The following SPATA6 variants were observed in gnomAD, a reference collection of about 807,000 sequenced individuals.
SPATA6 encodes spermatogenesis-associated protein 6.
In SPATA6, 56 loss-of-function variants were observed where a neutral mutation model predicts 65.3. The ratio of observed to expected loss-of-function variants is 0.86; its 90% confidence interval spans 0.69 to 1.07. The LOEUF (loss-of-function observed/expected upper bound fraction) is 1.07. Among genes scored for constraint, SPATA6 ranks in the 50% least tolerant of loss-of-function variants. The pLI, the probability that SPATA6 is intolerant of heterozygous loss-of-function variation, is 0.00. For synonymous variants in SPATA6, 199 were observed against 213.2 expected, an observed-to-expected ratio of 0.93 and a Z score of 0.58; for missense variants, 590 against 594.8, an observed-to-expected ratio of 0.99 and a Z score of 0.08.
intron 4 of SPATA6, among the ~76,000 whole-genome samples, chr1:48,412,245 A>G (rs1277722240): frequency 6.6e-6 from 1 of 152,212 alleles, no homozygotes; most frequent in Non-Finnish European, 1.5e-5. Context: ...AAATGAAACT[A>G]GCCTCTATAT....
At position 48,399,589 on chromosome 1, in the gene SPATA6, T is replaced by C; in HGVS notation, c.542A>G (p.Asn181Ser). The C allele has an allele frequency of 6.2e-7, 1 of 1,611,524 alleles. No homozygotes were observed. Among genetic ancestry groups the C allele is most frequent in the Non-Finnish European group, 8.5e-7 (1 of 1,178,552 alleles). ...PVEKSHGRLQ[N>S]RTSRSQKKKS... The stretch of plus-strand genomic sequence containing the variant: ...TTTCTTTTGTGATCTTGATGTTCTG[T>C]TTTGCAGTCTGCCATGTGATTTTTC... Residue 181 changes from asparagine (N) to serine (S), a missense_variant, in exon 7 of 13, where the codon AAC (asparagine) becomes AGC (serine). By Grantham distance (46) the Asn-to-Ser change is conservative. Transcript: ENST00000371847.
At chr1:48,371,270 T>TAG (rs1647252411) in intron 9 of SPATA6, among the ~76,000 whole-genome samples, 3,185 of 131,712 alleles carry the variant, frequency 0.024, 32 homozygotes, top group East Asian at 0.037. Context: ...TATGTATCTA[T>TAG]ATAGATAGAT....
chr1:48,409,364 G>A lies in SPATA6; in HGVS notation c.405+2100C>T, dbSNP rs555627368. Among the ~76,000 whole-genome samples the A allele has an allele frequency of 1.7e-3, 261 of 152,360 alleles. 1 individual carries two copies. The highest frequency in any genetic ancestry group is 2.8e-3 in the Non-Finnish European group (190 of 68,024). On this transcript the variant is annotated intron_variant, in intron 5 of 12. Coordinates refer to ENST00000371847, the MANE Select transcript of SPATA6 (RefSeq NM_019073.4). ...CATGGTCTTGGGCAGCTCCGCCCCT[G>A]TGGCTTTGCAGGGTATAGCCTCCCT...
chr1:48,332,854 C>A (rs987190077), intron 11 of SPATA6, among the ~76,000 whole-genome samples: 1 of 152,138 alleles, frequency 6.6e-6, no homozygotes, highest in African/African-American at 2.4e-5. Context: ...AATTCAAAAA[C>A]AGCAAAACCA....
At chr1:48,288,270 T>C in the SPATA6 span, among the ~76,000 whole-genome samples, 1 of 152,322 alleles carries the variant, frequency 6.6e-6, no homozygotes, top group East Asian at 1.9e-4. Context: ...TCTTGAAGTG[T>C]CTTTGGAACT....
chr1:48,307,024 T>A (rs1377156892), intron 11 of SPATA6, among the ~76,000 whole-genome samples: 1 of 151,884 alleles, frequency 6.6e-6, no homozygotes, highest in East Asian at 1.9e-4. Flanking sequence ...TACTATTAGA[T>A]CTTTTTCTTG....
chr1:48,330,881 G>A (rs138204961), intron 11 of SPATA6, among the ~76,000 whole-genome samples: 7 of 152,216 alleles, frequency 4.6e-5, no homozygotes, highest in African/African-American at 1.4e-4. Context: ...CAGCTAGCTG[G>A]CCAACTGAAG....
intron 3 of SPATA6, among the ~76,000 whole-genome samples, chr1:48,440,393 CA>C (rs762812149): frequency 6.6e-6 from 1 of 152,108 alleles, no homozygotes; most frequent in Non-Finnish European, 1.5e-5. Flanking sequence ...TGGCCTTTAA[CA>C]AAAAGAATGT....
At chr1:48,392,593 A>G (rs1650182989) in intron 8 of SPATA6, among the ~76,000 whole-genome samples, 1 of 152,140 alleles carries the variant, frequency 6.6e-6, no homozygotes, top group East Asian at 1.9e-4. Flanking sequence ...CCTGGATTCT[A>G]GATTTGTAAC....
intron 1 of SPATA6, among the ~76,000 whole-genome samples, chr1:48,466,260 C>T (rs1013807918): frequency 2.6e-5 from 4 of 151,988 alleles, no homozygotes; most frequent in Admixed American, 2.6e-4. Flanking sequence ...TAAACATATA[C>T]CATTTTATAC....
intron 3 of SPATA6, among the ~76,000 whole-genome samples, chr1:48,433,292 G>A (rs950373155): frequency 1.3e-5 from 2 of 152,036 alleles, no homozygotes; most frequent in Non-Finnish European, 2.9e-5. Flanking sequence ...ATTTCATTAT[G>A]TATGTTTTAC....
intron 3 of SPATA6, among the ~76,000 whole-genome samples, chr1:48,441,884 T>C (rs1655518142): frequency 6.6e-6 from 1 of 152,016 alleles, no homozygotes; most frequent in Non-Finnish European, 1.5e-5. Context: ...CCAAAGGAAG[T>C]TTATGGCTAT....
intron 11 of SPATA6, among the ~76,000 whole-genome samples, chr1:48,324,001 G>A (rs1367412565): frequency 6.6e-6 from 1 of 152,036 alleles, no homozygotes; most frequent in African/African-American, 2.4e-5. Context: ...CCAGGCTGGA[G>A]GACAGCGGTG....
intron 11 of SPATA6, among the ~76,000 whole-genome samples, chr1:48,320,961 G>C (rs1291983613): frequency 2.0e-5 from 3 of 151,744 alleles, no homozygotes; most frequent in African/African-American, 7.3e-5. Flanking sequence ...TAAAACAAAG[G>C]GTTATGACAT....
intron 11 of SPATA6, among the ~76,000 whole-genome samples, chr1:48,330,845 C>T (rs1462570301): frequency 6.6e-6 from 1 of 152,176 alleles, no homozygotes; most frequent in Admixed American, 6.5e-5. Flanking sequence ...AGGAAGCACA[C>T]AAACAGCAGA....
At chr1:48,318,135 C>G (rs1333063467) in intron 11 of SPATA6, among the ~76,000 whole-genome samples, 1 of 152,128 alleles carries the variant, frequency 6.6e-6, no homozygotes, top group Non-Finnish European at 1.5e-5. Flanking sequence ...GGAAATTCCT[C>G]AAGATGGTAA....
chr1:48,365,721 C>T lies in SPATA6; in HGVS notation c.910-5951G>A, dbSNP rs559473258. On this transcript the variant is annotated intron_variant, in intron 9 of 12. Transcript: ENST00000371847. Reference sequence around the variant, plus strand: ...GAGATGATGGGGTTTTCTAGATATACAATCATGTCATCTGCAAACAGGGAC... The same window carrying T: ...GAGATGATGGGGTTTTCTAGATATATAATCATGTCATCTGCAAACAGGGAC... Among the ~76,000 whole-genome samples the T allele has an allele frequency of 5.3e-5, 8 of 152,274 alleles. No individual in the cohort carries two copies. The South Asian group carries it at 1.2e-3, about 24-fold the overall frequency.
chr1:48,416,919 A>G (rs1232632981), intron 3 of SPATA6, among the ~76,000 whole-genome samples: 1 of 152,230 alleles, frequency 6.6e-6, no homozygotes, highest in Non-Finnish European at 1.5e-5. Context: ...AAAAAATCTC[A>G]GCAAACTAAG....
chr1:48,418,595 G>C (rs1005408969), intron 3 of SPATA6, among the ~76,000 whole-genome samples: 3 of 148,786 alleles, frequency 2.0e-5, no homozygotes, highest in African/African-American at 7.5e-5. Flanking sequence ...GGGCCTGGTG[G>C]CATGTGCCTG....
Sources: gnomAD v4.1 joint callset for allele counts (sites outside exome capture counted in the v4.1 genomes callset) on GRCh38, gnomAD v4.1.1 for gene constraint, MANE v1.5 for transcripts, NCBI Gene and HGNC (gene_info 2026-07-23, HGNC 2026-07-21) for gene names.